Variants in CHRM2 observed in about 807,000 individuals in gnomAD.
CHRM2 encodes the protein cholinergic receptor muscarinic 2.
In CHRM2, 8 loss-of-function variants were observed where a neutral mutation model predicts 25.0. That is an observed-to-expected ratio of 0.32 (90% CI 0.19 to 0.58). The LOEUF (loss-of-function observed/expected upper bound fraction) is 0.58. CHRM2 is among the 20% of genes least tolerant of loss of function. The pLI, the probability that CHRM2 is intolerant of heterozygous loss-of-function variation, is 0.88. For synonymous variants in CHRM2, 202 were observed against 205.7 expected, an observed-to-expected ratio of 0.98 and a Z score of 0.15; for missense variants, 440 against 567.1, an observed-to-expected ratio of 0.78 and a Z score of 2.28.
At position 137,016,372 on chromosome 7, in the gene CHRM2, G is replaced by T; in HGVS notation, c.*106G>T. 1 of 1,223,088 alleles carries T rather than the reference G, an allele frequency of 8.2e-7. No individual in the cohort carries two copies. Among genetic ancestry groups the T allele is most frequent in the Non-Finnish European group, 1.2e-6 (1 of 846,968 alleles). The allele number at this position is 1,223,088 out of a possible 1,614,324, so 75.8% of individuals were successfully genotyped here. On this transcript the variant is annotated 3_prime_UTR_variant, in exon 4 of 4. Transcript: ENST00000680005. Reference sequence around the variant, plus strand: ...TCTCTGCCATTGCACTTTATAGTCTGATTACAAAACGTGCAATTCAGGAGC... The same window carrying T: ...TCTCTGCCATTGCACTTTATAGTCTTATTACAAAACGTGCAATTCAGGAGC...
At chr7:137,007,888 CTT>C (rs747934477) in intron 3 of CHRM2, among the ~76,000 whole-genome samples, 1 of 152,088 alleles carries the variant, frequency 6.6e-6, no homozygotes, top group Admixed American at 6.6e-5. Context: ...ACAATTCTCT[CTT>C]TTTCTTTTTC....
At chr7:136,958,811 AC>A (rs1800883428) in intron 2 of CHRM2, among the ~76,000 whole-genome samples, 1 of 152,152 alleles carries the variant, frequency 6.6e-6, no homozygotes, top group Non-Finnish European at 1.5e-5. Context: ...ATTAAATGAG[AC>A]TTCAAATTAC....
At chr7:136,947,921 C>A (rs923872874) in intron 2 of CHRM2, among the ~76,000 whole-genome samples, 11 of 152,142 alleles carry the variant, frequency 7.2e-5, no homozygotes, top group Non-Finnish European at 1.0e-4. Flanking sequence ...GAGACAACTG[C>A]AAGAATTGGG....
intron 2 of CHRM2, among the ~76,000 whole-genome samples, chr7:136,944,423 T>C (rs1017960614): frequency 6.6e-6 from 1 of 152,116 alleles, no homozygotes; most frequent in African/African-American, 2.4e-5. Flanking sequence ...ATTATTTTGT[T>C]ATTTTGTTCC....
At chr7:137,004,757 T>G (rs2131082534) in intron 3 of CHRM2, among the ~76,000 whole-genome samples, 1 of 152,298 alleles carries the variant, frequency 6.6e-6, no homozygotes, top group African/African-American at 2.4e-5. Context: ...AAATCTTTGC[T>G]GAGTTGATGC....
intron 2 of CHRM2, among the ~76,000 whole-genome samples, chr7:136,889,865 GA>G (rs1487504998): frequency 2.6e-5 from 4 of 152,034 alleles, no homozygotes; most frequent in African/African-American, 9.7e-5. Flanking sequence ...AAATTCGTTA[GA>G]CTTAGTTATT....
chr7:136,997,093 C>T (rs1011054626), intron 3 of CHRM2, among the ~76,000 whole-genome samples: 2 of 152,172 alleles, frequency 1.3e-5, no homozygotes, highest in African/African-American at 4.8e-5. Flanking sequence ...CATATGTTAA[C>T]TTATGCCAGC....
At chr7:136,996,309 C>T (rs1207721627) in intron 3 of CHRM2, among the ~76,000 whole-genome samples, 1 of 151,886 alleles carries the variant, frequency 6.6e-6, no homozygotes, top group Non-Finnish European at 1.5e-5. Context: ...CATGTAAAAA[C>T]ATCTATAAAA....
intron 2 of CHRM2, among the ~76,000 whole-genome samples, chr7:136,891,356 G>A (rs766870035): frequency 9.9e-5 from 15 of 152,134 alleles, no homozygotes; most frequent in Non-Finnish European, 1.6e-4. Flanking sequence ...GACTTTGACA[G>A]CTTTGAAGAG....
intron 2 of CHRM2, chr7:136,870,209 C>G (rs1007169545): frequency 6.6e-6 from 1 of 152,410 alleles, no homozygotes; most frequent in African/African-American, 2.4e-5. Flanking sequence ...ACCGCCCGGG[C>G]AGTCCCCGGG....
chr7:136,916,796 G>A (rs943899895), intron 2 of CHRM2, among the ~76,000 whole-genome samples: 5 of 151,092 alleles, frequency 3.3e-5, no homozygotes, highest in Non-Finnish European at 5.9e-5. Flanking sequence ...ATTTAGTATT[G>A]GGAACATTGA....
At chr7:136,966,296 TTGTC>T (rs1261288110) in intron 2 of CHRM2, among the ~76,000 whole-genome samples, 1 of 151,954 alleles carries the variant, frequency 6.6e-6, no homozygotes, top group Non-Finnish European at 1.5e-5. Context: ...CACATATTCT[TTGTC>T]TTATTTGCTT....
At chr7:136,941,066 G>T (rs968640487) in intron 2 of CHRM2, among the ~76,000 whole-genome samples, 1 of 152,174 alleles carries the variant, frequency 6.6e-6, no homozygotes, top group Admixed American at 6.5e-5. Flanking sequence ...TATCTGCTGA[G>T]GCCTGGGTTT....
intron 2 of CHRM2, among the ~76,000 whole-genome samples, chr7:136,991,102 C>T (rs1158498826): frequency 1.3e-5 from 2 of 152,116 alleles, no homozygotes; most frequent in Non-Finnish European, 2.9e-5. Context: ...ATTGTCTTCA[C>T]ATTGTCATTC....
intron 2 of CHRM2, among the ~76,000 whole-genome samples, chr7:136,874,793 G>T (rs138748276): frequency 6.3e-4 from 96 of 151,880 alleles, no homozygotes; most frequent in African/African-American, 2.1e-3. Flanking sequence ...TTTGTTGTCT[G>T]GGCATGTCAA....
At chr7:136,934,127 T>A (rs1799275572) in intron 2 of CHRM2, among the ~76,000 whole-genome samples, 1 of 152,158 alleles carries the variant, frequency 6.6e-6, no homozygotes, top group Non-Finnish European at 1.5e-5. Context: ...TCTTAATTTT[T>A]AAAAATTGCA....
intron 2 of CHRM2, among the ~76,000 whole-genome samples, chr7:136,939,149 T>C (rs554220680): frequency 1.3e-5 from 2 of 152,150 alleles, no homozygotes; most frequent in African/African-American, 4.8e-5. Context: ...GAGGAAGCAG[T>C]AGCAGAAGGG....
At chr7:136,895,262 A>C (rs190162288) in intron 2 of CHRM2, among the ~76,000 whole-genome samples, 9 of 152,316 alleles carry the variant, frequency 5.9e-5, no homozygotes, top group African/African-American at 1.9e-4. Context: ...GTGTCCTATA[A>C]TGTATAATTT....
chr7:136,974,949 T>C (rs576394669), intron 2 of CHRM2, among the ~76,000 whole-genome samples: 3 of 152,220 alleles, frequency 2.0e-5, no homozygotes, highest in Admixed American at 2.0e-4. Flanking sequence ...AACTAATATA[T>C]AGAATATAAA....
Sources: allele counts gnomAD v4.1 joint callset (sites outside exome capture counted in the v4.1 genomes callset), GRCh38; gene constraint gnomAD v4.1.1; transcripts MANE v1.5; gene names NCBI Gene and HGNC (gene_info 2026-07-23, HGNC 2026-07-21).